CFAP61: variants seen among roughly 807,000 people sequenced by gnomAD.
The protein encoded by CFAP61 is cilia- and flagella-associated protein 61.
A neutral mutation model predicts 135.6 loss-of-function variants in CFAP61; 107 were observed. That is an observed-to-expected ratio of 0.79 (90% CI 0.67 to 0.93). CFAP61 has a LOEUF of 0.93. Among genes scored for constraint, CFAP61 ranks in the 40% least tolerant of loss-of-function variants. CFAP61 has a pLI of 0.00. For missense variants in CFAP61, 1,507 were observed against 1,556.2 expected, an observed-to-expected ratio of 0.97 and a Z score of 0.53; for synonymous variants, 575 against 578.5, an observed-to-expected ratio of 0.99 and a Z score of 0.09.
At chr20:20,178,905 A>G (rs2054840401) in intron 13 of CFAP61, among the ~76,000 whole-genome samples, 1 of 152,162 alleles carries the variant, frequency 6.6e-6, no homozygotes, top group African/African-American at 2.4e-5. Flanking sequence ...TTAAACTGAA[A>G]TACTAATGGC....
At chr20:20,175,208 C>T (rs527536522) in intron 13 of CFAP61, among the ~76,000 whole-genome samples, 52 of 152,188 alleles carry the variant, frequency 3.4e-4, no homozygotes, top group Non-Finnish European at 6.8e-4. Context: ...CACCATGGAC[C>T]GTGGAATATT....
At chr20:20,299,499 G>T (rs1221767810) in intron 25 of CFAP61, among the ~76,000 whole-genome samples, 1 of 152,218 alleles carries the variant, frequency 6.6e-6, no homozygotes, top group African/African-American at 2.4e-5. Context: ...TATATCCCAA[G>T]AAAGCCTCAT....
At chr20:20,319,179 C>T (rs943519477) in intron 25 of CFAP61, among the ~76,000 whole-genome samples, 4 of 152,160 alleles carry the variant, frequency 2.6e-5, no homozygotes, top group African/African-American at 9.7e-5. Context: ...TGCATTGCTC[C>T]CCATCTTCCA....
At position 20,090,847 on chromosome 20, in the gene CFAP61, G is replaced by A. The variant is rs1470724226; in HGVS notation, c.570G>A (p.Val190=). The change falls in exon 7 of 27, where the codon GTG becomes GTA. Residue 190 remains valine (V), a synonymous_variant. Coordinates refer to ENST00000245957, the MANE Select transcript of CFAP61 (RefSeq NM_015585.4). ...YPQLHVRKAR[V]EDHDDLMPIF... ...CTTCAGCCTTTCTATTAAACAGGGTGGAAGACCATGACGATCTCATGCCAA... is the reference window on the plus strand; with the variant it reads ...CTTCAGCCTTTCTATTAAACAGGGTAGAAGACCATGACGATCTCATGCCAA... 6.2e-7 allele frequency: 1 copy of A among 1,614,090 alleles called. No homozygotes were observed. The highest frequency in any genetic ancestry group is 1.1e-5 in the South Asian group (1 of 91,068).
At chr20:20,130,601 G>A (rs1329474088) in intron 8 of CFAP61, among the ~76,000 whole-genome samples, 1 of 151,656 alleles carries the variant, frequency 6.6e-6, no homozygotes, top group Non-Finnish European at 1.5e-5. Flanking sequence ...CCCCCTGCTA[G>A]GTAGCTGCCT....
rs973101701 is a variant in CFAP61 at position 20,232,419 on chromosome 20, G to A, written c.2060+4043G>A. On this transcript the variant is annotated intron_variant, in intron 18 of 26. Coordinates refer to ENST00000245957, the MANE Select transcript of CFAP61 (RefSeq NM_015585.4). The stretch of plus-strand genomic sequence containing the variant: ...AAGAAGAAGAAGAAGAGAAGGAGCC[G>A]GAACCAGGTGTATGCACCTCTCTTC... 6.6e-5 allele frequency among the ~76,000 whole-genome samples: 10 copies of A among 152,060 alleles called. No individual in the cohort carries two copies. In the East Asian group the frequency reaches 9.7e-4, roughly 15 times the overall value.
intron 18 of CFAP61, among the ~76,000 whole-genome samples, chr20:20,239,691 A>C (rs2049869227): frequency 6.6e-6 from 1 of 152,242 alleles, no homozygotes; most frequent in Non-Finnish European, 1.5e-5. Context: ...GCACTGAGGC[A>C]GTCCGACTTC....
At chr20:20,072,470 T>C (rs1206475981) in intron 3 of CFAP61, among the ~76,000 whole-genome samples, 2 of 152,192 alleles carry the variant, frequency 1.3e-5, no homozygotes, top group Non-Finnish European at 2.9e-5. Flanking sequence ...AGTATCCAGC[T>C]CTTCAAGTGC....
At chr20:20,253,148 T>TCTTTTCTTTTCTTTCCTTTTCTTTC (rs2051110276) in intron 20 of CFAP61, among the ~76,000 whole-genome samples, 1 of 151,496 alleles carries the variant, frequency 6.6e-6, no homozygotes, top group Non-Finnish European at 1.5e-5. Context: ...TGCTACATTT[T>TCTTTTCTTTTCTTTCCTTTTCTTTC]CTTTTCTTTT....
chr20:20,125,638 A>G (rs545301114), intron 8 of CFAP61, among the ~76,000 whole-genome samples: 1 of 151,770 alleles, frequency 6.6e-6, no homozygotes, highest in East Asian at 1.9e-4. Context: ...ATGGCCTATC[A>G]TGGTCTATCT....
chr20:20,142,833 A>T, intron 8 of CFAP61, 24 bp from the exon 9 acceptor site: 1 of 1,380,496 alleles, frequency 7.2e-7, no homozygotes, highest in Non-Finnish European at 1.0e-6. Flanking sequence ...ATTTTCTGTC[A>T]TTATTCTATC....
intron 9 of CFAP61, among the ~76,000 whole-genome samples, chr20:20,158,295 C>T (rs1180489274): frequency 7.0e-6 from 1 of 141,848 alleles, no homozygotes; most frequent in Non-Finnish European, 1.5e-5. Context: ...TGGCCAAATA[C>T]TGTTATTGTG....
At chr20:20,055,747 A>G (rs1366008812) in intron 1 of CFAP61, among the ~76,000 whole-genome samples, 1 of 152,214 alleles carries the variant, frequency 6.6e-6, no homozygotes, top group African/African-American at 2.4e-5. Context: ...CAGAACAAGG[A>G]ATGACAATAT....
At chr20:20,063,920 C>G (rs1412527970) in intron 2 of CFAP61, among the ~76,000 whole-genome samples, 1 of 152,002 alleles carries the variant, frequency 6.6e-6, no homozygotes, top group African/African-American at 2.4e-5. Flanking sequence ...CTATTTACAC[C>G]CATGCCAAAG....
intron 25 of CFAP61, among the ~76,000 whole-genome samples, chr20:20,326,101 G>T (rs1404699930): frequency 1.3e-5 from 2 of 152,154 alleles, no homozygotes; most frequent in Non-Finnish European, 2.9e-5. Context: ...CAACTCAAAT[G>T]CTTGCTTGCT....
At chr20:20,268,164 C>CT (rs1010622605) in intron 21 of CFAP61, among the ~76,000 whole-genome samples, 15 of 152,158 alleles carry the variant, frequency 9.9e-5, no homozygotes, top group Admixed American at 3.3e-4. Flanking sequence ...CTAATTTCCC[C>CT]TTTTTTAAAT....
chr20:20,071,784 A>C (rs1250115584), intron 3 of CFAP61, among the ~76,000 whole-genome samples: 2 of 152,132 alleles, frequency 1.3e-5, no homozygotes, highest in Non-Finnish European at 2.9e-5. Flanking sequence ...ATTATTCAGC[A>C]TTTATTTCAC....
intron 25 of CFAP61, among the ~76,000 whole-genome samples, chr20:20,317,714 G>A (rs2057219106): frequency 6.6e-6 from 1 of 152,160 alleles, no homozygotes; most frequent in South Asian, 2.1e-4. Context: ...TGCCAGGCCA[G>A]GATACGTGCT....
intron 20 of CFAP61, among the ~76,000 whole-genome samples, chr20:20,257,020 C>G (rs972183004): frequency 6.6e-6 from 1 of 151,932 alleles, no homozygotes; most frequent in Non-Finnish European, 1.5e-5. Context: ...CATAGAATGG[C>G]AGGAAAAAAT....
Sources: allele counts gnomAD v4.1 joint callset (sites outside exome capture counted in the v4.1 genomes callset), GRCh38; gene constraint gnomAD v4.1.1; transcripts MANE v1.5; gene names NCBI Gene and HGNC (gene_info 2026-07-23, HGNC 2026-07-21).